Variants in GRAMD1B observed in about 807,000 individuals in gnomAD.
The protein encoded by GRAMD1B is protein Aster-B.
Under a neutral mutation model 99.7 loss-of-function variants are expected in GRAMD1B, and 37 were observed. That is an observed-to-expected ratio of 0.37 (90% confidence interval 0.29 to 0.49). The LOEUF (loss-of-function observed/expected upper bound fraction) is 0.49, where lower values mean the gene tolerates loss of function less well. GRAMD1B is among the 20% of genes least tolerant of loss of function. The probability of loss-of-function intolerance (pLI) is 0.98; values close to 1 mark genes in which losing one functional copy is unlikely to be tolerated. For missense variants in GRAMD1B, 888 were observed against 1,009.2 expected (o/e 0.88, Z 1.63); for synonymous variants, 427 against 387.6 (o/e 1.10, Z -1.19).
Position 123,512,781 on chromosome 11 carries a change from G to A in GRAMD1B, c.452+31888G>A, listed in dbSNP as rs899731186. On this transcript the variant is annotated intron_variant, in intron 2 of 19. Transcript: ENST00000635736. ...TTTACTTCAGGTATTTTCAGTCTGTGCCTGTGAACCATTCAGGGCTCTGAA... is the reference window on the plus strand; with the variant it reads ...TTTACTTCAGGTATTTTCAGTCTGTACCTGTGAACCATTCAGGGCTCTGAA... 2.8e-5 allele frequency among the ~76,000 whole-genome samples: 4 copies of A among 141,720 alleles called. No individual in the cohort carries two copies. The East Asian group carries it at 8.4e-4, about 30-fold the overall frequency. The allele number at this position is 141,720 out of a possible 152,430, so 93.0% of individuals were successfully genotyped here.
intron 1 of GRAMD1B, among the ~76,000 whole-genome samples, chr11:123,369,293 C>A (rs1946437085): frequency 6.6e-6 from 1 of 151,886 alleles, no homozygotes; most frequent in Admixed American, 6.6e-5. Flanking sequence ...AGAGCAAGAT[C>A]CCATCTCTAA....
intron 2 of GRAMD1B, among the ~76,000 whole-genome samples, chr11:123,483,964 G>A (rs17127401): frequency 0.028 from 4,289 of 152,246 alleles, 162 homozygotes; most frequent in African/African-American, 0.091. Flanking sequence ...GCACTTCCAA[G>A]GAGCAAAGAC....
At chr11:123,371,382 A>G (rs1477071065) in intron 1 of GRAMD1B, among the ~76,000 whole-genome samples, 2 of 152,204 alleles carry the variant, frequency 1.3e-5, no homozygotes, top group African/African-American at 2.4e-5. Flanking sequence ...TCTAAAACCT[A>G]TAATTGTGAG....
chr11:123,498,033 G>T (rs897112001), intron 2 of GRAMD1B, among the ~76,000 whole-genome samples: 13 of 152,176 alleles, frequency 8.5e-5, no homozygotes, highest in Non-Finnish European at 1.3e-4. Context: ...GCCAACAGGG[G>T]GTTTTGCCAG....
intron 2 of GRAMD1B, 133 bp downstream of exon 2, chr11:123,481,026 C>A (rs1951570139): frequency 2.5e-6 from 1 of 396,238 alleles, no homozygotes; most frequent in Non-Finnish European, 4.4e-6. Context: ...CGCCTGAGAC[C>A]TCTGTGCTTG....
rs552047077 is a variant in GRAMD1B, at chr11:123,441,853, T to C, written c.374+10687T>C. On this transcript the variant is annotated intron_variant, in intron 1 of 19. Transcript: ENST00000635736. ...ATTTGGAGGGGAGAAATATCCCGACTATATCAAGGGCATGTTTGGTGTATT... is the reference window on the plus strand; with the variant it reads ...ATTTGGAGGGGAGAAATATCCCGACCATATCAAGGGCATGTTTGGTGTATT... Among the ~76,000 whole-genome samples the C allele has an allele frequency of 3.9e-5, 6 of 151,990 alleles. No homozygotes were observed. In the South Asian group the frequency reaches 1.2e-3, roughly 31 times the overall value.
At chr11:123,477,602 C>T (rs1029945350) in intron 1 of GRAMD1B, among the ~76,000 whole-genome samples, 3 of 146,286 alleles carry the variant, frequency 2.1e-5, no homozygotes, top group African/African-American at 7.6e-5. Flanking sequence ...CCCTCCCTCC[C>T]GTCTCCCTTC....
At chr11:123,422,764 C>T (rs373293978) in intron 1 of GRAMD1B, among the ~76,000 whole-genome samples, 2 of 152,158 alleles carry the variant, frequency 1.3e-5, no homozygotes, top group Non-Finnish European at 2.9e-5. Flanking sequence ...ATATGACCCC[C>T]TTGTTCAACA....
intron 1 of GRAMD1B, among the ~76,000 whole-genome samples, chr11:123,360,712 T>C (rs1329448128): frequency 1.3e-5 from 2 of 152,180 alleles, no homozygotes; most frequent in Non-Finnish European, 2.9e-5. Flanking sequence ...TCAATGATCA[T>C]AGGCCTGAAA....
chr11:123,621,528 G>C (rs953509404), intron 19 of GRAMD1B, among the ~76,000 whole-genome samples: 2 of 152,204 alleles, frequency 1.3e-5, no homozygotes, highest in Non-Finnish European at 2.9e-5. Flanking sequence ...CTGCAGTCCA[G>C]AGCCTGAGTG....
intron 1 of GRAMD1B, among the ~76,000 whole-genome samples, chr11:123,404,075 T>G (rs1947769598): frequency 6.6e-6 from 1 of 152,242 alleles, no homozygotes; most frequent in Admixed American, 6.5e-5. Context: ...AGAGTGCAGT[T>G]TGACATGTTC....
intron 2 of GRAMD1B, among the ~76,000 whole-genome samples, chr11:123,557,985 T>TTTTTTA (rs1946331845): frequency 8.1e-6 from 1 of 123,244 alleles, no homozygotes; most frequent in East Asian, 2.0e-4. Context: ...AACTTTTTTT[T>TTTTTTA]TTTTTTTTTT....
chr11:123,399,255 G>A (rs1203686943), intron 1 of GRAMD1B, among the ~76,000 whole-genome samples: 1 of 152,192 alleles, frequency 6.6e-6, no homozygotes, highest in Non-Finnish European at 1.5e-5. Flanking sequence ...TGTCCCAAGT[G>A]ATAGTACTGA....
intron 1 of GRAMD1B, among the ~76,000 whole-genome samples, chr11:123,410,172 G>A (rs1947991081): frequency 6.6e-6 from 1 of 151,588 alleles, no homozygotes; most frequent in African/African-American, 2.4e-5. Flanking sequence ...AGAAGATTTT[G>A]GGACAAGAAA....
At chr11:123,522,478 G>T (rs144458585) in intron 2 of GRAMD1B, among the ~76,000 whole-genome samples, 1,614 of 152,080 alleles carry the variant, frequency 0.011, 21 homozygotes, top group African/African-American at 0.028. Flanking sequence ...CCTACCACGC[G>T]TGGCTAATTT....
chr11:123,584,261 C>T (rs890233871), intron 3 of GRAMD1B, 51 bp from the exon 4 acceptor site: 57 of 905,358 alleles, frequency 6.3e-5, no homozygotes, highest in Non-Finnish European at 9.3e-5. Context: ...GGCCCTTCCC[C>T]CCATTTCTTC....
At chr11:123,423,455 A>G (rs922710736) in intron 1 of GRAMD1B, among the ~76,000 whole-genome samples, 1 of 152,206 alleles carries the variant, frequency 6.6e-6, no homozygotes, top group Non-Finnish European at 1.5e-5. Flanking sequence ...GTAGATGCTC[A>G]AAAACTATTT....
intron 19 of GRAMD1B, among the ~76,000 whole-genome samples, chr11:123,622,079 G>A (rs1018646740): frequency 6.6e-6 from 1 of 151,594 alleles, no homozygotes; most frequent in African/African-American, 2.4e-5. Context: ...GGAGTGCAGT[G>A]GTGCAGTCAT....
rs1224398764 is a variant in GRAMD1B at position 123,370,333 on chromosome 11, ATC to A, written c.-176+11538_-176+11539del. Among the ~76,000 whole-genome samples the A allele has an allele frequency of 4.5e-3, 560 of 124,594 alleles. 4 individuals are homozygous for A. The highest frequency in any genetic ancestry group is 0.026 in the Middle Eastern group (6 of 230). 81.7% of individuals were successfully genotyped at this position (124,594 alleles called of 152,430 possible). A position where few individuals can be genotyped will look rare whatever the true frequency, so the allele number is the denominator to read the frequency against. The stretch of plus-strand genomic sequence containing the variant: ...TCCATCTAAAAAAAAAAAAGAAGTT[ATC>A]TCTTTTTTTTTTTTTTTTTTTTTGA... On this transcript the variant is annotated intron_variant, in intron 1 of 20. Coordinates refer to the GRAMD1B transcript ENST00000638157.
Sources: gnomAD v4.1 joint callset for allele counts (sites outside exome capture counted in the v4.1 genomes callset) on GRCh38, gnomAD v4.1.1 for gene constraint, MANE v1.5 for transcripts, NCBI Gene and HGNC (gene_info 2026-07-23, HGNC 2026-07-21) for gene names.